Variants in SAXO1 observed in about 807,000 individuals in gnomAD.
The protein encoded by SAXO1 is stabilizer of axonemal microtubules 1.
SAXO1 carries 21 observed loss-of-function variants against 17.5 expected under a neutral mutation model. The observed-to-expected ratio is 1.20, with a 90% CI of 0.85 to 1.72. The LOEUF (loss-of-function observed/expected upper bound fraction) is 1.72, where lower values mean the gene tolerates loss of function less well. SAXO1 is among the 40% of genes most tolerant of loss of function. SAXO1 has a pLI of 0.00. For synonymous variants in SAXO1, 274 were observed against 216.5 expected, an observed-to-expected ratio of 1.27 and a Z score of -2.33; for missense variants, 843 against 596.0, an observed-to-expected ratio of 1.41 and a Z score of -4.32.
intron 1 of SAXO1, among the ~76,000 whole-genome samples, chr9:18,974,379 G>A (rs997546076): frequency 2.6e-5 from 4 of 152,184 alleles, no homozygotes; most frequent in African/African-American, 4.8e-5. Flanking sequence ...ACATTGATAT[G>A]TACATTGTGT....
At chr9:19,016,233 C>G (rs1049690195) in intron 1 of SAXO1, among the ~76,000 whole-genome samples, 3 of 152,004 alleles carry the variant, frequency 2.0e-5, no homozygotes, top group African/African-American at 7.3e-5. Flanking sequence ...GTCGGGAGTT[C>G]GAGACCGGCC....
In SAXO1 at chr9:18,929,046, A is replaced by T. The variant is rs902962517; in HGVS notation, c.431T>A (p.Leu144Ter). The change falls in exon 4 of 4, where the codon TTG (leucine) becomes TAG (stop). Residue 144 changes from leucine to a stop codon, truncating the protein, a stop_gained. Transcript: ENST00000380534. LOFTEE classifies it low-confidence loss of function (END_TRUNC). Reference protein sequence around the residue: ...ECLPTYKADYLPWNQPRREPL... With the variant: ...ECLPTYKADY ...CTCTCGCCTTGGTTGGTTCCAAGGC[A>T]AATAATCAGCTGAAATTAAAGCAGA... The T allele has an allele frequency of 1.4e-5, 22 of 1,613,450 alleles. No individual in the cohort carries two copies. Among genetic ancestry groups the T allele is most frequent in the Non-Finnish European group, 1.8e-5 (21 of 1,179,796 alleles).
chr9:19,042,238 T>C (rs1477167276), intron 1 of SAXO1, among the ~76,000 whole-genome samples: 1 of 152,002 alleles, frequency 6.6e-6, no homozygotes. Context: ...AAAATGACAA[T>C]GAGATATCAT....
intron 1 of SAXO1, among the ~76,000 whole-genome samples, chr9:19,009,831 CTT>C (rs34704836): frequency 6.8e-5 from 10 of 146,110 alleles, no homozygotes; most frequent in Non-Finnish European, 7.5e-5. Flanking sequence ...TTGGGGTTTT[CTT>C]TTTTTTTTTT....
At chr9:18,963,262 G>C (rs1832566053) in intron 1 of SAXO1, among the ~76,000 whole-genome samples, 1 of 152,090 alleles carries the variant, frequency 6.6e-6, no homozygotes, top group African/African-American at 2.4e-5. Flanking sequence ...TTTTTGCTTA[G>C]TTTTAGGATT....
Position 18,980,037 on chromosome 9 carries a change from G to A in SAXO1, c.39-29100C>T, listed in dbSNP as rs142057291. ...CTGGTGGTATAACTTTCTGAAACGG[G>A]GTGTTTAGAAAAGGGAGTCTACTTG... is the stretch of plus-strand genomic sequence containing the variant. On this transcript the variant is annotated intron_variant, in intron 1 of 3. Coordinates refer to ENST00000380534, the MANE Select transcript of SAXO1 (RefSeq NM_153707.4). 4.0e-4 allele frequency among the ~76,000 whole-genome samples: 61 copies of A among 151,956 alleles called. 1 individual carries two copies. Among genetic ancestry groups the A allele is most frequent in the African/African-American group, 1.5e-3 (60 of 41,248 alleles).
intron 1 of SAXO1, among the ~76,000 whole-genome samples, chr9:19,025,940 C>G (rs952620556): frequency 1.3e-5 from 2 of 151,628 alleles, no homozygotes; most frequent in Non-Finnish European, 2.9e-5. Context: ...ATATTGTACT[C>G]TACAATCAAA....
intron 1 of SAXO1, among the ~76,000 whole-genome samples, chr9:19,043,127 G>A (rs1478832683): frequency 6.6e-6 from 1 of 151,894 alleles, no homozygotes; most frequent in Non-Finnish European, 1.5e-5. Flanking sequence ...AACCAAGACT[G>A]CACCACTACA....
At chr9:18,933,228 G>A (rs1588398008) in intron 3 of SAXO1, among the ~76,000 whole-genome samples, 1 of 152,128 alleles carries the variant, frequency 6.6e-6, no homozygotes, top group African/African-American at 2.4e-5. Context: ...AGCTTGTTGA[G>A]AGCTTTTATG....
intron 1 of SAXO1, among the ~76,000 whole-genome samples, chr9:18,998,146 T>C (rs7044999): frequency 0.018 from 2,768 of 152,180 alleles, 81 homozygotes; most frequent in African/African-American, 0.061. Flanking sequence ...CTTCAGAAGG[T>C]TGGTAATAAC....
intron 2 of SAXO1, 55 bp from the exon 3 acceptor site, chr9:18,941,894 G>A: frequency 2.6e-6 from 4 of 1,534,722 alleles, no homozygotes; most frequent in Non-Finnish European, 3.6e-6. Flanking sequence ...TAAGGCTTAT[G>A]TTTTCTGCTC....
intron 1 of SAXO1, among the ~76,000 whole-genome samples, chr9:18,995,491 C>G (rs1418638720): frequency 6.6e-6 from 1 of 152,188 alleles, no homozygotes; most frequent in East Asian, 1.9e-4. Context: ...TGCTCCTCTC[C>G]CACTAAAGAA....
chr9:19,006,833 G>A (rs1485084625), intron 1 of SAXO1, among the ~76,000 whole-genome samples: 1 of 151,800 alleles, frequency 6.6e-6, no homozygotes, highest in Admixed American at 6.6e-5. Flanking sequence ...ATCACTTGAG[G>A]TCAAGCGTTC....
intron 3 of SAXO1, among the ~76,000 whole-genome samples, chr9:18,933,003 A>G (rs1166679667): frequency 6.6e-6 from 1 of 152,244 alleles, no homozygotes; most frequent in African/African-American, 2.4e-5. Flanking sequence ...GAGCCTAGAT[A>G]CATTTACTTG....
rs764843912 is a variant in SAXO1, at chr9:18,928,434, G to C, written c.1043C>G (p.Ser348Cys). ...CTTGACTGGCTCTGTGCGCATGCTG[G>C]ACCACTGCTTGTAGTCATCCTTGGT... ...STTKDDYKQWSSMRTEPVKPV... is the reference protein window; with the variant it reads ...STTKDDYKQWCSMRTEPVKPV... The change falls in exon 4 of 4, where the codon TCC (serine) becomes TGC (cysteine). Residue 348 changes from serine to cysteine, a missense_variant. By Grantham distance (112) the Ser-to-Cys change is moderately radical. Coordinates refer to ENST00000380534, the MANE Select transcript of SAXO1 (RefSeq NM_153707.4). 6.2e-6 allele frequency: 10 copies of C among 1,608,922 alleles called. No individual in the cohort carries two copies. Among genetic ancestry groups the C allele is most frequent in the Non-Finnish European group, 8.5e-6 (10 of 1,177,012 alleles).
At position 18,995,828 on chromosome 9, in the gene SAXO1, C is replaced by T. The variant is rs144723060; in HGVS notation, c.38+37043G>A. Among the ~76,000 whole-genome samples, 513 of 152,012 alleles carry T rather than the reference C, an allele frequency of 3.4e-3. 1 individual carries two copies. The highest frequency in any genetic ancestry group is 0.012 in the African/African-American group (489 of 41,488). On this transcript the variant is annotated intron_variant, in intron 1 of 3. Coordinates refer to ENST00000380534, the MANE Select transcript of SAXO1 (RefSeq NM_153707.4). ...GGTGTGGTGGCTTTTGCCTGTAATCCCAGCATTTTGGGAGGCCACATTGGG... is the reference window on the plus strand; with the variant it reads ...GGTGTGGTGGCTTTTGCCTGTAATCTCAGCATTTTGGGAGGCCACATTGGG...
intron 3 of SAXO1, among the ~76,000 whole-genome samples, chr9:18,929,704 T>A (rs1230027687): frequency 6.6e-6 from 1 of 152,236 alleles, no homozygotes; most frequent in East Asian, 1.9e-4. Flanking sequence ...ACTCACTTAA[T>A]CTTCAGACTG....
chr9:19,024,012 C>A (rs1467630780), intron 1 of SAXO1, among the ~76,000 whole-genome samples: 3 of 38,116 alleles, frequency 7.9e-5, no homozygotes, highest in East Asian at 9.7e-4. Flanking sequence ...CTCTTTAAGG[C>A]TTTTTTTTTT....
rs573150415 is a variant in SAXO1, at chr9:18,946,004, C to T, written c.219-4165G>A. ...CAAAAACCAGAAGGCTGGCCGGGCACGGTGGCCCATGCTTGTAATCCCAGC... is the reference window on the plus strand; with the variant it reads ...CAAAAACCAGAAGGCTGGCCGGGCATGGTGGCCCATGCTTGTAATCCCAGC... On this transcript the variant is annotated intron_variant, in intron 2 of 3. Coordinates refer to ENST00000380534, the MANE Select transcript of SAXO1 (RefSeq NM_153707.4). 5.0e-4 allele frequency among the ~76,000 whole-genome samples: 76 copies of T among 152,224 alleles called. 2 individuals are homozygous for T. The East Asian group carries it at 9.9e-3, about 20-fold the overall frequency.
Sources: allele counts gnomAD v4.1 joint callset (sites outside exome capture counted in the v4.1 genomes callset), GRCh38; gene constraint gnomAD v4.1.1; transcripts MANE v1.5; gene names NCBI Gene and HGNC (gene_info 2026-07-23, HGNC 2026-07-21).